Variants in DNAH17 observed in about 807,000 individuals in gnomAD.
DNAH17 encodes dynein axonemal heavy chain 17.
DNAH17 carries 376 observed loss-of-function variants against 485.6 expected under a neutral mutation model. That is an observed-to-expected ratio of 0.77 (90% CI 0.71 to 0.84). DNAH17 has a LOEUF of 0.84. Among genes scored for constraint, DNAH17 ranks in the 40% least tolerant of loss-of-function variants. The pLI is 0.00. For synonymous variants in DNAH17, 3,031 were observed against 2,405.9 expected, an observed-to-expected ratio of 1.26 and a Z score of -7.60; for missense variants, 6,370 against 5,839.3, an observed-to-expected ratio of 1.09 and a Z score of -2.96.
chr17:78,554,161 A>C (rs1346778133), intron 14 of DNAH17, among the ~76,000 whole-genome samples: 2 of 152,170 alleles, frequency 1.3e-5, no homozygotes, highest in African/African-American at 4.8e-5. Flanking sequence ...CAAGTTGTTA[A>C]TGGATCAGTG....
At chr17:78,465,068 G>A (rs1391013899) in intron 56 of DNAH17, among the ~76,000 whole-genome samples, 1 of 152,212 alleles carries the variant, frequency 6.6e-6, no homozygotes, top group African/African-American at 2.4e-5. Context: ...AGCCTGCCCA[G>A]TGCCTGCGAT....
chr17:78,562,525 G>A (rs1450940362), intron 11 of DNAH17, among the ~76,000 whole-genome samples: 2 of 152,238 alleles, frequency 1.3e-5, no homozygotes, highest in South Asian at 4.1e-4. Context: ...AGGAGGCTGA[G>A]ATGGGAGGAT....
chr17:78,472,632 G>T (rs1004739183), intron 54 of DNAH17: 5 of 429,580 alleles, frequency 1.2e-5, no homozygotes, highest in East Asian at 8.3e-5. Flanking sequence ...GGCTGTGTGT[G>T]GGGTGTGGGG....
At chr17:78,572,067 A>C (rs2092366460) in intron 3 of DNAH17, among the ~76,000 whole-genome samples, 1 of 151,952 alleles carries the variant, frequency 6.6e-6, no homozygotes, top group Non-Finnish European at 1.5e-5. Flanking sequence ...CCCTATTTAA[A>C]CCCTATTCAA....
intron 80 of DNAH17, among the ~76,000 whole-genome samples, chr17:78,424,722 GGTAAT>G (rs1175348613): frequency 3.3e-5 from 5 of 152,348 alleles, no homozygotes; most frequent in African/African-American, 1.2e-4. Context: ...CCACCCCACA[GGTAAT>G]GGGGTGACGT....
chr17:78,511,341 CA>C (rs1242328151), intron 26 of DNAH17, among the ~76,000 whole-genome samples: 4 of 152,218 alleles, frequency 2.6e-5, no homozygotes, highest in Non-Finnish European at 5.9e-5. Context: ...CTCCTGAACT[CA>C]GATGATCCGC....
In DNAH17 at chr17:78,560,889, C is replaced by T. The variant is rs1312396301; in HGVS notation, c.1882G>A (p.Glu628Lys). The T allele has an allele frequency of 7.7e-6, 12 of 1,551,418 alleles. No homozygotes were observed. Among genetic ancestry groups the T allele is most frequent in the East Asian group, 4.9e-5 (2 of 40,924 alleles). Residue 628 changes from glutamate (E) to lysine (K), a missense_variant, in exon 13 of 81, where the codon GAG becomes AAG. Coordinates refer to ENST00000389840, the MANE Select transcript of DNAH17 (RefSeq NM_173628.4). ...EAKLTYQKYD[E>K]MMELLRCHRE... ...TGGCACCTCAGCAGCTCCATCATCT[C>T]GTCATACTTCTGATAGGTCAGCTTG...
intron 14 of DNAH17, among the ~76,000 whole-genome samples, chr17:78,553,283 G>GGTGTTTTTT (rs2091944708): frequency 7.8e-5 from 4 of 51,018 alleles, no homozygotes; most frequent in African/African-American, 3.6e-4. Flanking sequence ...AGGTTTTTGT[G>GGTGTTTTTT]TTTTTTTTTT....
chr17:78,494,887 A>C (rs2090009374), intron 39 of DNAH17, 67 bp from the exon 40 acceptor site: 1 of 1,574,980 alleles, frequency 6.3e-7, no homozygotes, highest in Admixed American at 1.7e-5. Context: ...GCAGGTCTGG[A>C]AGCCAACCCT....
Position 78,490,864 on chromosome 17 carries a change from A to G in DNAH17, c.6670-17T>C. On this transcript the variant is annotated splice_polypyrimidine_tract_variant and intron_variant, in intron 43 of 80. Coordinates refer to ENST00000389840, the MANE Select transcript of DNAH17 (RefSeq NM_173628.4). ...GGTGAGGACCTAGGAGGGGGACAGCAGCCCGTGGGGTCCTAAGGCGACACC... is the reference window on the plus strand; with the variant it reads ...GGTGAGGACCTAGGAGGGGGACAGCGGCCCGTGGGGTCCTAAGGCGACACC... The G allele has an allele frequency of 6.3e-7, 1 of 1,582,780 alleles. No individual in the cohort carries two copies. Among genetic ancestry groups the G allele is most frequent in the Non-Finnish European group, 8.6e-7 (1 of 1,162,768 alleles).
intron 17 of DNAH17, 147 bp downstream of exon 17, chr17:78,543,710 C>T: frequency 2.5e-6 from 3 of 1,200,632 alleles, no homozygotes; most frequent in Non-Finnish European, 3.7e-6. Context: ...CAGGTGAGAG[C>T]CACTGCATCC....
chr17:78,529,739 G>A (rs1480004213), intron 21 of DNAH17, 45 bp from the exon 22 acceptor site: 1 of 1,589,970 alleles, frequency 6.3e-7, no homozygotes. Context: ...CCCCCCTTAG[G>A]CCCACCCTTG....
Position 78,527,012 on chromosome 17 carries a change from G to A in DNAH17, c.3508-16C>T. The A allele has an allele frequency of 1.3e-6, 2 of 1,531,162 alleles. No individual in the cohort carries two copies. The highest frequency in any genetic ancestry group is 1.8e-6 in the Non-Finnish European group (2 of 1,130,794). 94.8% of individuals were successfully genotyped at this position (1,531,162 alleles called of 1,614,324 possible). ...CCGGCAGCTCCTGCGGGAAGCAAAG[G>A]CAGAGGAGGGCTCCTTTCTCATTTC... On this transcript the variant is annotated splice_polypyrimidine_tract_variant and intron_variant, in intron 22 of 80. Transcript: ENST00000389840.
chr17:78,570,971 T>C lies in DNAH17; in HGVS notation c.895A>G (p.Met299Val). Residue 299 changes from methionine to valine, a missense_variant, in exon 6 of 81, where the codon ATG (methionine) becomes GTG (valine). Physicochemically the swap from Met to Val is conservative, Grantham distance 21. Coordinates refer to ENST00000389840, the MANE Select transcript of DNAH17 (RefSeq NM_173628.4). ...ACCATCGTGAAGTCGGCTTGTTCCA[T>C]CTCCTCCAGCAGGATCCGTAGGGGC... The part of the protein sequence containing the change: ...LKPLRILLEE[M>V]EQADFTMLPT... 1 of 1,582,758 alleles carries C rather than the reference T, an allele frequency of 6.3e-7. No homozygotes were observed. Among genetic ancestry groups the C allele is most frequent in the Non-Finnish European group, 8.6e-7 (1 of 1,164,314 alleles).
intron 72 of DNAH17, among the ~76,000 whole-genome samples, chr17:78,439,729 G>A (rs1279102731): frequency 1.4e-5 from 2 of 148,044 alleles, no homozygotes; most frequent in Admixed American, 1.4e-4. Flanking sequence ...GAGTGCAGTG[G>A]TGCCATCTCT....
At chr17:78,426,882 C>T (rs1568035079) in intron 78 of DNAH17, 44 bp downstream of exon 78, 8 of 1,561,040 alleles carry the variant, frequency 5.1e-6, no homozygotes, top group Non-Finnish European at 6.9e-6. Flanking sequence ...CTGCTGGTTT[C>T]ACCATCCAGC....
Position 78,426,505 on chromosome 17 carries a change from G to A in DNAH17, c.12867C>T (p.Ser4289=), listed in dbSNP as rs1331319619. 2 of 1,613,422 alleles carry A rather than the reference G, an allele frequency of 1.2e-6. No individual in the cohort carries two copies. The highest frequency in any genetic ancestry group is 2.2e-5 in the East Asian group (1 of 44,860). The part of the protein sequence containing the change: ...PDTWVARAYP[S]MMGLAAWYAD... The stretch of plus-strand genomic sequence containing the variant: ...CGTACCAGGCCGCCAGGCCCATCAT[G>A]GAGGGGTAGGCCCGGGCCACCCACG... The change falls in exon 79 of 81, where the codon TCC becomes TCT. Residue 4289 remains serine, a synonymous_variant. Transcript: ENST00000389840.
chr17:78,486,527 C>A, intron 44 of DNAH17, 21 bp from the exon 45 acceptor site: 1 of 1,582,578 alleles, frequency 6.3e-7, no homozygotes, highest in South Asian at 1.1e-5. Flanking sequence ...CAGGAGGCGC[C>A]GATGACACAG....
Position 78,486,403 on chromosome 17 carries a change from A to G in DNAH17, c.6922T>C (p.Phe2308Leu), listed in dbSNP as rs764200924. 1.2e-6 allele frequency: 2 copies of G among 1,613,844 alleles called. No individual in the cohort carries two copies. Among genetic ancestry groups the G allele is most frequent in the African/African-American group, 2.7e-5 (2 of 75,040 alleles). ...YLPTCLDKLR[F>L]GFKKITPVPE... ...ACTGGCGTGATCTTCTTGAACCCAA[A>G]GCGCAACTTGTCCAGGCACGTGGGC... The change falls in exon 45 of 81, where the codon TTT becomes CTT. Residue 2308 changes from phenylalanine (F) to leucine (L), a missense_variant. Phe to Leu is a conservative substitution (Grantham distance 22). Transcript: ENST00000389840.
Sources: gnomAD v4.1 joint callset for allele counts (sites outside exome capture counted in the v4.1 genomes callset) on GRCh38, gnomAD v4.1.1 for gene constraint, MANE v1.5 for transcripts, NCBI Gene and HGNC (gene_info 2026-07-23, HGNC 2026-07-21) for gene names.